Variants in ZNF766 observed in about 807,000 individuals in gnomAD.
ZNF766 encodes the protein zinc finger protein 766.
In ZNF766, 13 loss-of-function variants were observed where a neutral mutation model predicts 13.2. The observed-to-expected ratio is 0.98, with a 90% CI of 0.64 to 1.56. The LOEUF (loss-of-function observed/expected upper bound fraction) is 1.56, where lower values mean the gene tolerates loss of function less well. Ranked by LOEUF, ZNF766 falls within the 40% of genes most tolerant of loss-of-function variation. ZNF766 has a pLI of 0.00. For missense variants in ZNF766, 521 were observed against 552.2 expected (o/e 0.94, Z 0.57); for synonymous variants, 178 against 187.6 (o/e 0.95, Z 0.42).
Position 52,290,545 on chromosome 19 carries a change from T to C in ZNF766, c.754T>C (p.Phe252Leu). Reference sequence around the variant, plus strand: ...CAAATGTAAAGAGTGTGGCAAGCTCTTCAATCGAATTGCATACCTTGCACG... The same window carrying C: ...CAAATGTAAAGAGTGTGGCAAGCTCCTCAATCGAATTGCATACCTTGCACG... ...PYKCKECGKLFNRIAYLARHE... is the reference protein window; with the variant it reads ...PYKCKECGKLLNRIAYLARHE... Residue 252 changes from phenylalanine (F) to leucine (L), a missense_variant, in exon 4 of 4, where the codon TTC (phenylalanine) becomes CTC (leucine). By Grantham distance (22) the Phe-to-Leu change is conservative (BLOSUM62 0). Transcript: ENST00000439461. The C allele has an allele frequency of 6.2e-7, 1 of 1,614,142 alleles. No individual in the cohort carries two copies. Among genetic ancestry groups the C allele is most frequent in the South Asian group, 1.1e-5 (1 of 91,086 alleles).
At position 52,294,464 on chromosome 19, in the gene ZNF766, T is replaced by TG. The variant is rs1228145532; in HGVS notation, c.*3270dup. The TG allele has an allele frequency of 6.6e-6, 1 of 152,224 alleles. No homozygotes were observed. The highest frequency in any genetic ancestry group is 6.5e-5 in the Admixed American group (1 of 15,282). The allele number at this position is 152,224 out of a possible 1,614,324, so 9.4% of individuals were successfully genotyped here. A position where few individuals can be genotyped will look rare whatever the true frequency, so the allele number is the denominator to read the frequency against. ...ATGTTTACTCCATAATGAGGCTTTC[T>TG]GGGGAGAGCAGGGTAGACTTCCCCG... On this transcript the variant is annotated 3_prime_UTR_variant, in exon 4 of 4. Transcript: ENST00000439461.
In ZNF766 at chr19:52,290,592, A is replaced by C. The variant is rs959714564; in HGVS notation, c.801A>C (p.Gly267=). Residue 267 remains glycine (G), a synonymous_variant, in exon 4 of 4, where the codon GGA becomes GGC. Coordinates refer to ENST00000439461, the MANE Select transcript of ZNF766 (RefSeq NM_001010851.3). The stretch of plus-strand genomic sequence containing the variant: ...CACGACACGAGAAAGTGCATACTGG[A>C]GAGAGTCCTTACAAATGTAATGAGT... ...YLARHEKVHT[G]ESPYKCNECG... 1.9e-6 allele frequency: 3 copies of C among 1,614,112 alleles called. No individual in the cohort carries two copies. Among genetic ancestry groups the C allele is most frequent in the Non-Finnish European group, 2.5e-6 (3 of 1,179,968 alleles).
chr19:52,281,962 T>C (rs1305311359), intron 1 of ZNF766, 149 bp from the exon 2 acceptor site: 2 of 918,282 alleles, frequency 2.2e-6, no homozygotes. Context: ...CACAGACACA[T>C]AACTAGCTCA....
chr19:52,271,844 C>A (rs542484252), intron 1 of ZNF766, among the ~76,000 whole-genome samples: 1 of 152,128 alleles, frequency 6.6e-6, no homozygotes, highest in South Asian at 2.1e-4. Flanking sequence ...CCTGTATTCC[C>A]AGTTACTCCG....
At chr19:52,285,758 C>A (rs957886845) in intron 3 of ZNF766, among the ~76,000 whole-genome samples, 5 of 152,024 alleles carry the variant, frequency 3.3e-5, no homozygotes, top group African/African-American at 1.2e-4. Flanking sequence ...TTAAGACCCG[C>A]AATCAGAAAG....
intron 1 of ZNF766, among the ~76,000 whole-genome samples, chr19:52,275,775 G>C (rs996896038): frequency 6.6e-5 from 10 of 151,494 alleles, no homozygotes; most frequent in African/African-American, 2.2e-4. Flanking sequence ...CCGCCTCCTG[G>C]GTTCAAGTGA....
rs192258579 is a variant in ZNF766, at chr19:52,290,051, T to A, written c.275-15T>A. ...AACCATGGGTTCAAATTATACTCTT[T>A]ACTTGCTTTCCTAGGGAGGAGCTGT... is the stretch of plus-strand genomic sequence containing the variant. On this transcript the variant is annotated splice_polypyrimidine_tract_variant and intron_variant, in intron 3 of 3. Transcript: ENST00000439461. 6.2e-4 allele frequency: 987 copies of A among 1,580,580 alleles called. 2 individuals are homozygous for A. In the African/African-American group the frequency reaches 0.011, roughly 17 times the overall value.
At chr19:52,287,821 G>A (rs1981907097) in intron 3 of ZNF766, among the ~76,000 whole-genome samples, 1 of 151,890 alleles carries the variant, frequency 6.6e-6, no homozygotes, top group Non-Finnish European at 1.5e-5. Flanking sequence ...TGTTTGTAAT[G>A]TCCTCTTTTA....
At chr19:52,282,416 G>T in intron 2 of ZNF766, 179 bp downstream of exon 2, 3 of 598,906 alleles carry the variant, frequency 5.0e-6, no homozygotes, top group South Asian at 4.4e-5. Flanking sequence ...TGGGTGGATT[G>T]CTTGAGGTCA....
chr19:52,282,037 A>G (rs2122477895), intron 1 of ZNF766, 74 bp from the exon 2 acceptor site: 2 of 1,548,146 alleles, frequency 1.3e-6, no homozygotes, highest in Non-Finnish European at 1.8e-6. Flanking sequence ...CAGTCCTTAC[A>G]ACCCTCTTCT....
intron 3 of ZNF766, among the ~76,000 whole-genome samples, chr19:52,286,433 G>C (rs932514602): frequency 6.7e-6 from 1 of 149,958 alleles, no homozygotes; most frequent in African/African-American, 2.5e-5. Flanking sequence ...TCAACCACAT[G>C]CCTGGCTGAT....
At chr19:52,277,300 A>G in intron 1 of ZNF766, 1 of 969,762 alleles carries the variant, frequency 1.0e-6, no homozygotes, top group Non-Finnish European at 1.4e-6. Context: ...TCTACTACGA[A>G]TACAAAAAAT....
chr19:52,277,563 A>G (rs1981273913), intron 1 of ZNF766: 1 of 1,554,674 alleles, frequency 6.4e-7, no homozygotes, highest in Admixed American at 1.9e-5. Flanking sequence ...TTCTCAGTAG[A>G]TTGTTCTGTT....
At chr19:52,282,264 G>A in intron 2 of ZNF766, 27 bp downstream of exon 2, 12 of 1,575,120 alleles carry the variant, frequency 7.6e-6, no homozygotes, top group Non-Finnish European at 1.0e-5. Context: ...TCCAGAAGTT[G>A]GGGTCTGCCC....
intron 3 of ZNF766, chr19:52,285,121 C>T (rs1981747564): frequency 6.6e-6 from 1 of 152,182 alleles, no homozygotes; most frequent in African/African-American, 2.4e-5. Context: ...TAGTAAGGGA[C>T]TTGAGCATCA....
In ZNF766 at chr19:52,294,396, G is replaced by C. The variant is rs939754838; in HGVS notation, c.*3198G>C. The C allele has an allele frequency of 6.6e-6, 1 of 152,150 alleles. No individual in the cohort carries two copies. The allele number at this position is 152,150 out of a possible 1,614,324, so 9.4% of individuals were successfully genotyped here. A position where few individuals can be genotyped will look rare whatever the true frequency, so the allele number is the denominator to read the frequency against. Reference sequence around the variant, plus strand: ...TTGACATCCACCTGAAGTTTGGTTTGGGTATTGAGAATGATGATGCCATTC... The same window carrying C: ...TTGACATCCACCTGAAGTTTGGTTTCGGTATTGAGAATGATGATGCCATTC... On this transcript the variant is annotated 3_prime_UTR_variant, in exon 4 of 4. Transcript: ENST00000439461.
intron 1 of ZNF766, among the ~76,000 whole-genome samples, chr19:52,276,162 A>G (rs1193806935): frequency 6.6e-6 from 1 of 152,202 alleles, no homozygotes; most frequent in Non-Finnish European, 1.5e-5. Flanking sequence ...TCTGTAATGA[A>G]ATGGTCTGAA....
chr19:52,290,030 A>T, intron 3 of ZNF766, 36 bp from the exon 4 acceptor site: 1 of 1,547,106 alleles, frequency 6.5e-7, no homozygotes, highest in Non-Finnish European at 8.7e-7. Flanking sequence ...TGCCAGAACC[A>T]TGGGTTCAAA....
chr19:52,288,521 C>G (rs1225625601), intron 3 of ZNF766, among the ~76,000 whole-genome samples: 1 of 152,070 alleles, frequency 6.6e-6, no homozygotes, highest in Non-Finnish European at 1.5e-5. Context: ...GCACACGACA[C>G]TGTGCCTCAC....
Sources: gnomAD v4.1 joint callset for allele counts (sites outside exome capture counted in the v4.1 genomes callset) on GRCh38, gnomAD v4.1.1 for gene constraint, MANE v1.5 for transcripts, NCBI Gene and HGNC (gene_info 2026-07-23, HGNC 2026-07-21) for gene names.